The following MAP3K1 variants were observed in gnomAD, a reference collection of about 807,000 sequenced individuals.
The protein encoded by MAP3K1 is mitogen-activated protein kinase kinase kinase 1.
In MAP3K1, 36 loss-of-function variants were observed where a neutral mutation model predicts 144.2. That is an observed-to-expected ratio of 0.25 (90% CI 0.19 to 0.33). The LOEUF is 0.33. Among genes scored for constraint, MAP3K1 ranks in the 10% least tolerant of loss-of-function variants. The pLI is 1.00. For synonymous variants in MAP3K1, 718 were observed against 688.7 expected, an observed-to-expected ratio of 1.04 and a Z score of -0.67; for missense variants, 1,650 against 1,881.9, an observed-to-expected ratio of 0.88 and a Z score of 2.28.
chr5:56,855,473 A>G (rs991070469), intron 1 of MAP3K1, among the ~76,000 whole-genome samples: 1 of 152,198 alleles, frequency 6.6e-6, no homozygotes, highest in Admixed American at 6.5e-5. Context: ...TGATACAAAG[A>G]TGTTTAATAT....
rs1162339684 is a variant in MAP3K1 at position 56,895,958 on chromosome 5, C to T, written c.*2278C>T. The T allele has an allele frequency of 1.0e-5, 2 of 199,216 alleles. No homozygotes were observed. The highest frequency in any genetic ancestry group is 5.4e-5 in the African/African-American group (2 of 36,724). 12.3% of individuals were successfully genotyped at this position (199,216 alleles called of 1,614,324 possible). A position where few individuals can be genotyped will look rare whatever the true frequency, so the allele number is the denominator to read the frequency against. On this transcript the variant is annotated 3_prime_UTR_variant, in exon 20 of 20. Transcript: ENST00000399503. ...AGGGCTAACTTCTATTAGCACCTTACTGTGTAAGCAAATGTTACAAAAAAA... is the reference window on the plus strand; with the variant it reads ...AGGGCTAACTTCTATTAGCACCTTATTGTGTAAGCAAATGTTACAAAAAAA...
intron 5 of MAP3K1, 150 bp from the exon 6 acceptor site, chr5:56,865,679 T>TA: frequency 1.1e-6 from 1 of 902,342 alleles, no homozygotes. Flanking sequence ...TTGTCCTTAG[T>TA]AAAAACTATA....
At chr5:56,836,675 T>C (rs1017588235) in intron 1 of MAP3K1, among the ~76,000 whole-genome samples, 14 of 152,168 alleles carry the variant, frequency 9.2e-5, no homozygotes, top group African/African-American at 3.4e-4. Context: ...CTTGTGTATG[T>C]GACTGTCATA....
intron 1 of MAP3K1, among the ~76,000 whole-genome samples, chr5:56,851,770 G>T (rs564055111): frequency 6.6e-6 from 1 of 152,206 alleles, no homozygotes; most frequent in East Asian, 1.9e-4. Flanking sequence ...TGGAAGCTGG[G>T]ATGGATTCAG....
At chr5:56,816,662 C>A (rs1745983190) in intron 1 of MAP3K1, among the ~76,000 whole-genome samples, 1 of 152,092 alleles carries the variant, frequency 6.6e-6, no homozygotes, top group South Asian at 2.1e-4. Flanking sequence ...GCGGCGCGCC[C>A]CCAGCGCCGG....
chr5:56,895,672 G>A lies in MAP3K1; in HGVS notation c.*1992G>A, dbSNP rs1748682290. The A allele has an allele frequency of 4.3e-6, 1 of 232,236 alleles. No homozygotes were observed. The allele number at this position is 232,236 out of a possible 1,614,324, so 14.4% of individuals were successfully genotyped here. On this transcript the variant is annotated 3_prime_UTR_variant, in exon 20 of 20. Transcript: ENST00000399503. ...AGCTTGCTGGTAATTGTGGTGTTTTGTTTTTTGTTTTGTTTTCAATGCAAA... is the reference window on the plus strand; with the variant it reads ...AGCTTGCTGGTAATTGTGGTGTTTTATTTTTTGTTTTGTTTTCAATGCAAA...
rs763394855 is a variant in MAP3K1, at chr5:56,872,662, A to G, written c.1445A>G (p.Asn482Ser). 6.2e-7 allele frequency: 1 copy of G among 1,606,652 alleles called. No individual in the cohort carries two copies. Among genetic ancestry groups the G allele is most frequent in the South Asian group, 1.1e-5 (1 of 90,816 alleles). The change falls in exon 8 of 20, where the codon AAT (asparagine) becomes AGT (serine). Residue 482 changes from asparagine (N) to serine (S), a missense_variant. Transcript: ENST00000399503. ...MSIWAEECRR[N>S]REPLICPLCR... ...TCAGGGGCAGAAGAGTGTAGAAGAAATAGAGAACCTTTAATATGTCCCCTT... is the reference window on the plus strand; with the variant it reads ...TCAGGGGCAGAAGAGTGTAGAAGAAGTAGAGAACCTTTAATATGTCCCCTT...
intron 10 of MAP3K1, among the ~76,000 whole-genome samples, chr5:56,877,373 A>T (rs1455425214): frequency 2.6e-5 from 4 of 152,086 alleles, no homozygotes; most frequent in Non-Finnish European, 5.9e-5. Flanking sequence ...AGCTTATGAG[A>T]TCCTAGAGCA....
intron 16 of MAP3K1, 38 bp from the exon 17 acceptor site, chr5:56,885,894 G>T (rs907861078): frequency 1.9e-6 from 3 of 1,593,074 alleles, no homozygotes; most frequent in East Asian, 2.2e-5. Flanking sequence ...TTTTAATTCT[G>T]TCTTAAGTTT....
Position 56,882,875 on chromosome 5 carries a change from A to G in MAP3K1, c.3666+9A>G. On this transcript the variant is annotated intron_variant, in intron 14 of 19. Coordinates refer to ENST00000399503, the MANE Select transcript of MAP3K1 (RefSeq NM_005921.2). ...TCATTATTCAACAGGATGTAAGTAT[A>G]GATTCTTTAAGAGGTTAGAAAACTT... 6 of 1,599,744 alleles carry G rather than the reference A, an allele frequency of 3.8e-6. No homozygotes were observed. In the East Asian group the frequency reaches 6.7e-5, roughly 18 times the overall value.
intron 1 of MAP3K1, among the ~76,000 whole-genome samples, chr5:56,826,129 G>A (rs751987054): frequency 1.6e-4 from 25 of 151,852 alleles, no homozygotes; most frequent in Non-Finnish European, 2.8e-4. Flanking sequence ...CTTTCTCGGC[G>A]TGCCCAATGC....
chr5:56,874,345 A>G (rs1333753562), intron 9 of MAP3K1, among the ~76,000 whole-genome samples: 1 of 152,016 alleles, frequency 6.6e-6, no homozygotes, highest in East Asian at 1.9e-4. Context: ...CACTGTAGGG[A>G]CTCTGGCTTT....
At chr5:56,840,397 C>T (rs187073930) in intron 1 of MAP3K1, among the ~76,000 whole-genome samples, 1 of 152,230 alleles carries the variant, frequency 6.6e-6, no homozygotes, top group African/African-American at 2.4e-5. Flanking sequence ...TTCTACCCGC[C>T]TCGGCCTCCT....
intron 1 of MAP3K1, among the ~76,000 whole-genome samples, chr5:56,849,310 C>T (rs921848286): frequency 6.6e-6 from 1 of 150,594 alleles, no homozygotes; most frequent in African/African-American, 2.5e-5. Context: ...GATTGCGCCA[C>T]TGCACTCCAG....
At position 56,883,634 on chromosome 5, in the gene MAP3K1, T is replaced by C. The variant is rs766640051; in HGVS notation, c.3774T>C (p.Tyr1258=). ...GCCTTGGAGCATTTTCTTCTTGTTATCAGGCTCAAGATGTGGGAACTGGAA... is the reference window on the plus strand; with the variant it reads ...GCCTTGGAGCATTTTCTTCTTGTTACCAGGCTCAAGATGTGGGAACTGGAA... ...QIGLGAFSSC[Y]QAQDVGTGTL... is the part of the protein sequence containing the mutation. Residue 1258 remains tyrosine, a synonymous_variant, in exon 15 of 20, where the codon TAT becomes TAC. Transcript: ENST00000399503. 21 of 1,614,010 alleles carry C rather than the reference T, an allele frequency of 1.3e-5. No individual in the cohort carries two copies. The highest frequency in any genetic ancestry group is 1.2e-4 in the African/African-American group (9 of 74,928).
chr5:56,878,928 C>T (rs369621771), intron 10 of MAP3K1, 52 bp from the exon 11 acceptor site: 28 of 1,583,370 alleles, frequency 1.8e-5, no homozygotes, highest in Non-Finnish European at 2.3e-5. Flanking sequence ...AGGCCATTAT[C>T]TCTGATGCTT....
At position 56,830,102 on chromosome 5, in the gene MAP3K1, T is replaced by C. The variant is rs1746441286; in HGVS notation, c.482+14047T>C. Among the ~76,000 whole-genome samples the C allele has an allele frequency of 2.0e-5, 3 of 152,224 alleles. No individual in the cohort carries two copies. The South Asian group carries it at 6.2e-4, about 32-fold the overall frequency. The stretch of plus-strand genomic sequence containing the variant: ...TGGTGATAAGATACAAAACCGTTGG[T>C]GTCTGAAGTACCTCTGAATCCAGCA... On this transcript the variant is annotated intron_variant, in intron 1 of 19. Coordinates refer to ENST00000399503, the MANE Select transcript of MAP3K1 (RefSeq NM_005921.2).
At chr5:56,854,798 GA>G (rs1747286858) in intron 1 of MAP3K1, among the ~76,000 whole-genome samples, 1 of 152,186 alleles carries the variant, frequency 6.6e-6, no homozygotes, top group Non-Finnish European at 1.5e-5. Flanking sequence ...AGGACCAGAG[GA>G]AAGACTATCA....
At chr5:56,888,452 G>T (rs1748449781) in intron 19 of MAP3K1, 95 bp downstream of exon 19, 1 of 1,049,938 alleles carries the variant, frequency 9.5e-7, no homozygotes, top group Non-Finnish European at 1.5e-6. Context: ...TAACAATCTA[G>T]CATGAAGGTA....
Sources: allele counts gnomAD v4.1 joint callset (sites outside exome capture counted in the v4.1 genomes callset), GRCh38; gene constraint gnomAD v4.1.1; transcripts MANE v1.5; gene names NCBI Gene and HGNC (gene_info 2026-07-23, HGNC 2026-07-21).